SYNE2: variants seen among roughly 807,000 people sequenced by gnomAD.
SYNE2 encodes the protein nesprin-2.
A neutral mutation model predicts 856.3 loss-of-function variants in SYNE2; 431 were observed. That is an observed-to-expected ratio of 0.50 (90% CI 0.47 to 0.55). The LOEUF is 0.55. SYNE2 is among the 20% of genes least tolerant of loss of function. The probability of loss-of-function intolerance (pLI) is 0.00; values close to 1 mark genes in which losing one functional copy is unlikely to be tolerated. For missense variants in SYNE2, 8,129 were observed against 8,023.2 expected, an observed-to-expected ratio of 1.01 and a Z score of -0.50; for synonymous variants, 2,923 against 2,872.3, an observed-to-expected ratio of 1.02 and a Z score of -0.56.
At chr14:64,167,034 G>T in intron 90 of SYNE2, 199 bp from the exon 91 acceptor site, 1 of 627,876 alleles carries the variant, frequency 1.6e-6, no homozygotes, top group Non-Finnish European at 2.8e-6. Context: ...CCGTGTTGCA[G>T]GTTGGTATTC....
intron 39 of SYNE2, 88 bp downstream of exon 39, chr14:64,024,547 C>G: frequency 8.0e-7 from 1 of 1,251,904 alleles, no homozygotes; most frequent in Non-Finnish European, 1.1e-6. Context: ...CACTGGGATA[C>G]GCAGTACACA....
chr14:63,944,324 G>A (rs2095981928), intron 6 of SYNE2, among the ~76,000 whole-genome samples: 1 of 146,710 alleles, frequency 6.8e-6, no homozygotes, highest in African/African-American at 2.6e-5. Context: ...ATAAATGGAG[G>A]CATGATGTTT....
chr14:64,189,964 A>ATTTTTTTTTTTT, intron 98 of SYNE2, 107 bp from the exon 99 acceptor site: 1 of 1,177,006 alleles, frequency 8.5e-7, no homozygotes, highest in Non-Finnish European at 1.2e-6. Flanking sequence ...TGCCTGGCCA[A>ATTTTTTTTTTTT]TTTTTTTTTT....
At chr14:63,950,142 G>T (rs149557657) in intron 7 of SYNE2, 136 bp downstream of exon 7, 92 of 1,050,904 alleles carry the variant, frequency 8.8e-5, no homozygotes, top group Non-Finnish European at 1.3e-4. Context: ...TCTTCCATAC[G>T]TGGAAGCCCA....
intron 1 of SYNE2, among the ~76,000 whole-genome samples, chr14:63,783,700 T>C (rs1887412613): frequency 6.6e-6 from 1 of 152,110 alleles, no homozygotes; most frequent in African/African-American, 2.4e-5. Flanking sequence ...AGAGGAGCAG[T>C]TCCAGACTAA....
chr14:64,118,954 C>T (rs1158521306), intron 66 of SYNE2, among the ~76,000 whole-genome samples: 2 of 151,764 alleles, frequency 1.3e-5, no homozygotes, highest in African/African-American at 4.8e-5. Context: ...GGCCAAAGTA[C>T]ATGGATTTAA....
intron 100 of SYNE2, among the ~76,000 whole-genome samples, chr14:64,204,026 C>G (rs773174785): frequency 5.3e-5 from 8 of 152,280 alleles, no homozygotes; most frequent in Non-Finnish European, 8.8e-5. Context: ...CCTCCCTGCT[C>G]TTGACTTTTC....
At chr14:64,127,034 G>T (rs2097953321) in intron 73 of SYNE2, among the ~76,000 whole-genome samples, 2 of 152,188 alleles carry the variant, frequency 1.3e-5, no homozygotes, top group African/African-American at 4.8e-5. Flanking sequence ...GCCAAGGCAG[G>T]CGGATCACCT....
intron 6 of SYNE2, among the ~76,000 whole-genome samples, chr14:63,949,591 G>A (rs1203630668): frequency 6.6e-6 from 1 of 152,150 alleles, no homozygotes; most frequent in Non-Finnish European, 1.5e-5. Context: ...CCCTCAATGT[G>A]GGACAGCATG....
In SYNE2 at chr14:64,220,462, AC is replaced by A. The variant is rs2098689231; in HGVS notation, c.19887del (p.Tyr6629Ter). Reference sequence around the variant, plus strand: ...GAGATACTGAAAGCCTTTGACACTTACAAGGCATTAGTGGTCTCTGTCAACG... The same window carrying A: ...GAGATACTGAAAGCCTTTGACACTTAAAGGCATTAGTGGTCTCTGTCAACG... ...LQEILKAFDT[Y>X]KALVVSVNVS... On this transcript the variant is annotated frameshift_variant, in exon 111 of 116. Coordinates refer to ENST00000555002, the MANE Select transcript of SYNE2 (RefSeq NM_182914.3). LOFTEE classifies it high-confidence loss of function. The A allele has an allele frequency of 6.2e-7, 1 of 1,614,050 alleles. No homozygotes were observed. Among genetic ancestry groups the A allele is most frequent in the Non-Finnish European group, 8.5e-7 (1 of 1,180,028 alleles).
At chr14:64,021,548 G>T (rs373495242) in intron 36 of SYNE2, 33 bp downstream of exon 36, 31 of 1,610,146 alleles carry the variant, frequency 1.9e-5, no homozygotes, top group African/African-American at 4.0e-5. Flanking sequence ...CTGTGGTTCA[G>T]ATTTATTTTC....
At chr14:63,841,239 G>A (rs137902325) in intron 1 of SYNE2, among the ~76,000 whole-genome samples, 283 of 152,250 alleles carry the variant, frequency 1.9e-3, no homozygotes, top group Non-Finnish European at 2.4e-3. Flanking sequence ...GCTCAGTTGG[G>A]TGCATTCTGA....
intron 96 of SYNE2, among the ~76,000 whole-genome samples, chr14:64,183,365 G>A (rs1313655732): frequency 2.0e-5 from 3 of 150,076 alleles, no homozygotes; most frequent in Non-Finnish European, 4.4e-5. Flanking sequence ...ATGGGCGGCC[G>A]GGCAGAGATG....
chr14:63,902,268 G>A (rs112968839), intron 1 of SYNE2, among the ~76,000 whole-genome samples: 9,022 of 151,740 alleles, frequency 0.059, 273 homozygotes, highest in Middle Eastern at 0.097. Context: ...AAAATTAGCC[G>A]TGTGTGGTGG....
Position 63,976,011 on chromosome 14 carries a change from G to A in SYNE2, c.1129-552G>A, listed in dbSNP as rs1203069892. Among the ~76,000 whole-genome samples, 31 of 152,220 alleles carry A rather than the reference G, an allele frequency of 2.0e-4. 1 individual carries two copies. The highest frequency in any genetic ancestry group is 2.0e-3 in the Admixed American group (31 of 15,278). On this transcript the variant is annotated intron_variant, in intron 11 of 115. Coordinates refer to ENST00000555002, the MANE Select transcript of SYNE2 (RefSeq NM_182914.3). ...AGCAGTCAGAGTGTGTTTCTCACAT[G>A]CTTGTGCATGCAGGGAGTGGTGGGA...
chr14:63,815,167 TCCACATATATATCC>T (rs1888894983), intron 1 of SYNE2, among the ~76,000 whole-genome samples: 1 of 103,678 alleles, frequency 9.6e-6, no homozygotes, highest in Non-Finnish European at 1.9e-5. Flanking sequence ...TCCATATATA[TCCACATATATATCC>T]ATATATATAT....
Position 64,052,532 on chromosome 14 carries a change from C to T in SYNE2, c.8619C>T (p.His2873=), listed in dbSNP as rs1226206534. Residue 2873 remains histidine, a synonymous_variant, in exon 48 of 116, where the codon CAC becomes CAT. Coordinates refer to ENST00000555002, the MANE Select transcript of SYNE2 (RefSeq NM_182914.3). ...TAATEAELKH[H]HVTLEASQKE... is the part of the protein sequence containing the mutation. The stretch of plus-strand genomic sequence containing the variant: ...CCACGGAAGCTGAACTAAAACATCA[C>T]CATGTTACTTTGGAGGCATCTCAGA... 1.9e-6 allele frequency: 3 copies of T among 1,614,070 alleles called. No homozygotes were observed. In the South Asian group the frequency reaches 3.3e-5, roughly 18 times the overall value.
intron 18 of SYNE2, among the ~76,000 whole-genome samples, chr14:63,984,114 G>T (rs1389213566): frequency 3.3e-5 from 5 of 152,086 alleles, no homozygotes; most frequent in African/African-American, 1.2e-4. Context: ...GTGTGTTTGT[G>T]CGCCTGTGGT....
chr14:64,201,813 C>T (rs750490015), intron 99 of SYNE2, among the ~76,000 whole-genome samples: 5 of 152,112 alleles, frequency 3.3e-5, no homozygotes, highest in African/African-American at 4.8e-5. Flanking sequence ...CATCTCCCAA[C>T]GTAAGTATTG....
Sources: gnomAD v4.1 joint callset for allele counts (sites outside exome capture counted in the v4.1 genomes callset) on GRCh38, gnomAD v4.1.1 for gene constraint, MANE v1.5 for transcripts, NCBI Gene and HGNC (gene_info 2026-07-23, HGNC 2026-07-21) for gene names.